GEMIN2: variants seen among roughly 807,000 people sequenced by gnomAD.
GEMIN2 encodes gem-associated protein 2.
GEMIN2 carries 37 observed loss-of-function variants against 45.8 expected under a neutral mutation model. The ratio of observed to expected loss-of-function variants is 0.81; its 90% CI spans 0.62 to 1.06. GEMIN2 has a LOEUF of 1.06. Ranked by LOEUF, GEMIN2 falls within the 50% of genes least tolerant of loss-of-function variation. GEMIN2 has a pLI of 0.00. For missense variants in GEMIN2, 335 were observed against 321.8 expected, an observed-to-expected ratio of 1.04 and a Z score of -0.31; for synonymous variants, 101 against 111.5, an observed-to-expected ratio of 0.91 and a Z score of 0.60.
At chr14:39,128,760 C>A (rs2052679386) in intron 7 of GEMIN2, among the ~76,000 whole-genome samples, 1 of 151,868 alleles carries the variant, frequency 6.6e-6, no homozygotes. Flanking sequence ...CCTCACCCTC[C>A]CAAAATGCTG....
intron 6 of GEMIN2, among the ~76,000 whole-genome samples, chr14:39,126,845 A>C (rs2052648472): frequency 6.6e-6 from 1 of 152,080 alleles, no homozygotes; most frequent in Admixed American, 6.6e-5. Context: ...GGCTCACTGC[A>C]ACCTCCACCT....
intron 9 of GEMIN2, chr14:39,134,276 T>C (rs2052756875): frequency 6.6e-6 from 1 of 152,260 alleles, no homozygotes; most frequent in Non-Finnish European, 1.5e-5. Context: ...TGGAGTGCAA[T>C]GGCACCATCT....
In GEMIN2 at chr14:39,135,942, C is replaced by T. The variant is rs138585759; in HGVS notation, c.771-498C>T. Among the ~76,000 whole-genome samples, 63 of 151,844 alleles carry T rather than the reference C, an allele frequency of 4.1e-4. 1 individual carries two copies. In the South Asian group the frequency reaches 0.01, roughly 25 times the overall value. On this transcript the variant is annotated intron_variant, in intron 9 of 9. Coordinates refer to ENST00000308317, the MANE Select transcript of GEMIN2 (RefSeq NM_003616.3). ...TTTCTTTTTAAAAGTATAAGTAGGC[C>T]GCATGTGGTGGCTCAAGCCTGTAAT... is the stretch of plus-strand genomic sequence containing the variant.
chr14:39,121,282 A>C (rs1180633129), intron 4 of GEMIN2, among the ~76,000 whole-genome samples: 1 of 152,234 alleles, frequency 6.6e-6, no homozygotes, highest in East Asian at 1.9e-4. Flanking sequence ...TTGTAATCCC[A>C]GCACTTTGGG....
rs755640581 is a variant in GEMIN2, at chr14:39,136,483, A to G, written c.*4A>G. The G allele has an allele frequency of 6.3e-7, 1 of 1,599,936 alleles. No homozygotes were observed. Among genetic ancestry groups the G allele is most frequent in the Non-Finnish European group, 8.6e-7 (1 of 1,168,432 alleles). On this transcript the variant is annotated 3_prime_UTR_variant, in exon 10 of 10. Transcript: ENST00000308317. The stretch of plus-strand genomic sequence containing the variant: ...TTTAGCTGATGAGCCATCTTGATGT[A>G]GCTGATCTCTCAGGGATAGAAGATA...
chr14:39,133,787 C>A, intron 9 of GEMIN2, 68 bp downstream of exon 9: 1 of 906,132 alleles, frequency 1.1e-6, no homozygotes, highest in Non-Finnish European at 1.7e-6. Context: ...GTATTTATTA[C>A]ATTTGGTTTT....
intron 5 of GEMIN2, among the ~76,000 whole-genome samples, chr14:39,123,685 G>GTTATATATATAT (rs1566532769): frequency 2.3e-4 from 14 of 59,592 alleles, no homozygotes; most frequent in African/African-American, 7.3e-4. Context: ...TTCAAAAATA[G>GTTATATATATAT]CTATATATAT....
At chr14:39,130,365 T>C (rs1331921670) in intron 7 of GEMIN2, among the ~76,000 whole-genome samples, 1 of 152,124 alleles carries the variant, frequency 6.6e-6, no homozygotes, top group African/African-American at 2.4e-5. Flanking sequence ...ATATGTTGCT[T>C]AGAATAAACA....
chr14:39,119,708 C>T (rs747439659), intron 4 of GEMIN2, among the ~76,000 whole-genome samples: 2 of 152,158 alleles, frequency 1.3e-5, no homozygotes, highest in African/African-American at 2.4e-5. Context: ...TGAAACCAGC[C>T]GAAAGCTGAG....
chr14:39,124,642 A>G (rs879735852), intron 5 of GEMIN2, among the ~76,000 whole-genome samples: 18 of 151,918 alleles, frequency 1.2e-4, no homozygotes, highest in African/African-American at 2.9e-4. Context: ...GCGTGTTGAC[A>G]TGCACCTGTG....
chr14:39,125,105 A>AT (rs2052623450), intron 6 of GEMIN2, 69 bp downstream of exon 6: 1 of 787,552 alleles, frequency 1.3e-6, no homozygotes, highest in African/African-American at 1.7e-5. Context: ...TGAATTGTTA[A>AT]TACATATACT....
chr14:39,133,547 G>T, intron 8 of GEMIN2, 114 bp from the exon 9 acceptor site: 1 of 491,396 alleles, frequency 2.0e-6, no homozygotes, highest in East Asian at 3.7e-5. Flanking sequence ...TCCACATGAT[G>T]ATTACTGTCA....
intron 9 of GEMIN2, among the ~76,000 whole-genome samples, 197 bp from the exon 10 acceptor site, chr14:39,136,215 ATCATACTTTAGCAGTATAAATACGTTCC>A (rs1268115619): frequency 2.0e-5 from 3 of 152,232 alleles, no homozygotes; most frequent in African/African-American, 4.8e-5. Flanking sequence ...AATCCTGGAA[ATCATACTTTAGCAGTATAAATACGTTCC>A]TCATACTTTA....
intron 6 of GEMIN2, 56 bp from the exon 7 acceptor site, chr14:39,128,224 G>GAATTCATGTTTT: frequency 1.1e-6 from 1 of 940,688 alleles, no homozygotes; most frequent in East Asian, 2.4e-5. Flanking sequence ...AACTCATGTT[G>GAATTCATGTTTT]AATTCATGTT....
intron 7 of GEMIN2, 167 bp from the exon 8 acceptor site, chr14:39,131,791 C>T (rs1451395501): frequency 1.9e-6 from 1 of 539,680 alleles, no homozygotes; most frequent in African/African-American, 1.9e-5. Flanking sequence ...CAAGAGATAA[C>T]ACCTGGCTCT....
At position 39,136,449 on chromosome 14, in the gene GEMIN2, C is replaced by T; in HGVS notation, c.780C>T (p.Asp260=). ...GTTTTTTTTTTACTAGGTATTTTGA[C>T]CAACGTGATTTAGCTGATGAGCCAT... ...LLICLVSRYF[D]QRDLADEPS Residue 260 remains aspartate (D), a synonymous_variant, in exon 10 of 10, where the codon GAC becomes GAT. Coordinates refer to ENST00000308317, the MANE Select transcript of GEMIN2 (RefSeq NM_003616.3). 1 of 1,553,868 alleles carries T rather than the reference C, an allele frequency of 6.4e-7. No individual in the cohort carries two copies. Among genetic ancestry groups the T allele is most frequent in the Non-Finnish European group, 8.9e-7 (1 of 1,126,846 alleles).
chr14:39,128,700 T>C (rs112805822), intron 7 of GEMIN2, among the ~76,000 whole-genome samples: 2 of 151,984 alleles, frequency 1.3e-5, no homozygotes, highest in African/African-American at 4.8e-5. Context: ...AGACAAGGTC[T>C]CACTGTGTTG....
At chr14:39,128,467 ATTTTCTTTTTTTC>A in intron 7 of GEMIN2, 119 bp downstream of exon 7, 1 of 345,484 alleles carries the variant, frequency 2.9e-6, no homozygotes. Context: ...TTTACTGCAC[ATTTTCTTTTTTTC>A]TTTTCTTTTT....
chr14:39,121,161 C>G (rs542148088), intron 4 of GEMIN2, among the ~76,000 whole-genome samples: 2 of 152,150 alleles, frequency 1.3e-5, no homozygotes, highest in South Asian at 4.1e-4. Context: ...TTTTTTCCCC[C>G]ATACTTATTT....
Sources: allele counts gnomAD v4.1 joint callset (sites outside exome capture counted in the v4.1 genomes callset), GRCh38; gene constraint gnomAD v4.1.1; transcripts MANE v1.5; gene names NCBI Gene and HGNC (gene_info 2026-07-23, HGNC 2026-07-21).